The following GALNT13 variants were observed in gnomAD, a reference collection of about 807,000 sequenced individuals.
GALNT13 encodes the protein polypeptide N-acetylgalactosaminyltransferase 13.
A neutral mutation model predicts 64.2 loss-of-function variants in GALNT13; 28 were observed. That is an observed-to-expected ratio of 0.44 (90% CI 0.32 to 0.60). The LOEUF (loss-of-function observed/expected upper bound fraction) is 0.60, where lower values mean the gene tolerates loss of function less well. Ranked by LOEUF, GALNT13 falls within the 20% of genes least tolerant of loss-of-function variation. GALNT13 has a pLI of 0.05. For missense variants in GALNT13, 577 were observed against 669.8 expected (o/e 0.86, Z 1.53); for synonymous variants, 214 against 224.6 (o/e 0.95, Z 0.42).
chr2:153,233,149 C>G, the GALNT13 span, among the ~76,000 whole-genome samples: 1 of 152,090 alleles, frequency 6.6e-6, no homozygotes, highest in African/African-American at 2.4e-5. Context: ...TAGAAGCTTC[C>G]ACGTTAAAAC....
chr2:154,143,219 C>G (rs1574588646), intron 4 of GALNT13, among the ~76,000 whole-genome samples: 2 of 152,206 alleles, frequency 1.3e-5, no homozygotes, highest in East Asian at 3.9e-4. Context: ...GGTTTGTGCT[C>G]TTATGAAAAT....
chr2:153,756,769 A>G, the GALNT13 span, among the ~76,000 whole-genome samples: 1 of 152,088 alleles, frequency 6.6e-6, no homozygotes, highest in Non-Finnish European at 1.5e-5. Context: ...AGTGAAATTT[A>G]TCAGTTCTGT....
chr2:153,720,236 C>G, the GALNT13 span, among the ~76,000 whole-genome samples: 1 of 145,548 alleles, frequency 6.9e-6, no homozygotes, highest in African/African-American at 2.6e-5. Flanking sequence ...TCCAACAGAC[C>G]TGAAGCTGAG....
chr2:154,148,778 GT>G (rs931795080), intron 4 of GALNT13, among the ~76,000 whole-genome samples: 5 of 152,040 alleles, frequency 3.3e-5, no homozygotes, highest in African/African-American at 9.7e-5. Context: ...GGGTTGTTTT[GT>G]TTTTTTCTTG....
chr2:153,644,208 T>A, the GALNT13 span, among the ~76,000 whole-genome samples: 99,156 of 151,872 alleles, frequency 0.65, 33,947 homozygotes, highest in Non-Finnish European at 0.76. Context: ...AGAACAATAT[T>A]TAAAATAAAT....
At chr2:154,298,672 T>TTGTATATATAAATTATATATACAA (rs1693181378) in intron 8 of GALNT13, among the ~76,000 whole-genome samples, 2 of 41,682 alleles carry the variant, frequency 4.8e-5, no homozygotes, top group Non-Finnish European at 8.6e-5. Context: ...TATATATACA[T>TTGTATATATAAATTATATATACAA]TGTATATACA....
chr2:153,185,501 T>C, the GALNT13 span, among the ~76,000 whole-genome samples: 1 of 152,200 alleles, frequency 6.6e-6, no homozygotes, highest in Non-Finnish European at 1.5e-5. Flanking sequence ...TCTACTAGCT[T>C]TGGGGCTTGT....
chr2:154,271,049 G>A (rs929526469), intron 8 of GALNT13, among the ~76,000 whole-genome samples: 1 of 151,760 alleles, frequency 6.6e-6, no homozygotes, highest in Non-Finnish European at 1.5e-5. Flanking sequence ...CAAGATGCAG[G>A]GATGTAGATA....
chr2:153,786,027 A>G, the GALNT13 span, among the ~76,000 whole-genome samples: 1 of 151,534 alleles, frequency 6.6e-6, no homozygotes, highest in Non-Finnish European at 1.5e-5. Flanking sequence ...GCTCCACCTC[A>G]CTGGCTGAAC....
At chr2:153,593,812 A>G in the GALNT13 span, among the ~76,000 whole-genome samples, 1 of 152,142 alleles carries the variant, frequency 6.6e-6, no homozygotes, top group East Asian at 1.9e-4. Flanking sequence ...TTGATAAACC[A>G]CTGACCCATT....
chr2:153,736,969 G>T, the GALNT13 span, among the ~76,000 whole-genome samples: 25 of 152,092 alleles, frequency 1.6e-4, no homozygotes, highest in Non-Finnish European at 3.5e-4. Flanking sequence ...CTTTCCCACT[G>T]CCACCATCAC....
the GALNT13 span, among the ~76,000 whole-genome samples, chr2:153,074,488 T>C: frequency 6.6e-6 from 1 of 152,276 alleles, no homozygotes; most frequent in African/African-American, 2.4e-5. Flanking sequence ...AGAGTATACT[T>C]ATGCGAACCT....
chr2:153,069,069 CCTT>C, the GALNT13 span, among the ~76,000 whole-genome samples: 1 of 152,110 alleles, frequency 6.6e-6, no homozygotes, highest in Non-Finnish European at 1.5e-5. Context: ...TTAGACGCCT[CCTT>C]CTTCTTATTG....
the GALNT13 span, among the ~76,000 whole-genome samples, chr2:153,826,328 C>A: frequency 1.3e-5 from 2 of 152,160 alleles, no homozygotes; most frequent in African/African-American, 4.8e-5. Context: ...AGCCATTAAC[C>A]CATTACTCCC....
chr2:154,003,369 T>C (rs531232433), intron 3 of GALNT13, among the ~76,000 whole-genome samples: 16 of 152,318 alleles, frequency 1.1e-4, no homozygotes, highest in African/African-American at 3.6e-4. Context: ...AGTGGTGTTA[T>C]GCCTGCTTGG....
At chr2:153,643,938 A>G in the GALNT13 span, among the ~76,000 whole-genome samples, 1 of 152,068 alleles carries the variant, frequency 6.6e-6, no homozygotes, top group African/African-American at 2.4e-5. Context: ...ATAACGAATA[A>G]CAAGAATCTG....
rs545937542 is a variant in GALNT13, at chr2:154,273,311, A to AG, written c.975+14179dup. Among the ~76,000 whole-genome samples, 11 of 152,238 alleles carry AG rather than the reference A, an allele frequency of 7.2e-5. No homozygotes were observed. In the South Asian group the frequency reaches 2.1e-3, roughly 29 times the overall value. On this transcript the variant is annotated intron_variant, in intron 8 of 12. Transcript: ENST00000392825. ...AGCATCTATCTATGCAAGGATTTGCAGGGGGGAACATTCAGCATAGAAAAA... is the reference window on the plus strand; with the variant it reads ...AGCATCTATCTATGCAAGGATTTGCAGGGGGGGAACATTCAGCATAGAAAAA...
chr2:153,205,301 AT>A, the GALNT13 span, among the ~76,000 whole-genome samples: 1 of 148,618 alleles, frequency 6.7e-6, no homozygotes, highest in East Asian at 2.0e-4. Flanking sequence ...GGCCCTTCTT[AT>A]TTCATGGCTG....
At chr2:154,194,616 A>T (rs1686779014) in intron 4 of GALNT13, among the ~76,000 whole-genome samples, 1 of 152,162 alleles carries the variant, frequency 6.6e-6, no homozygotes, top group African/African-American at 2.4e-5. Flanking sequence ...GCACAGTTGC[A>T]CTACAGTCAG....
Sources: allele counts gnomAD v4.1 joint callset (sites outside exome capture counted in the v4.1 genomes callset), GRCh38; gene constraint gnomAD v4.1.1; transcripts MANE v1.5; gene names NCBI Gene and HGNC (gene_info 2026-07-23, HGNC 2026-07-21).